The following DPP10 variants were observed in gnomAD, a reference collection of about 807,000 sequenced individuals.
DPP10 encodes dipeptidyl peptidase like 10.
DPP10 carries 33 observed loss-of-function variants against 120.9 expected under a neutral mutation model. That is an observed-to-expected ratio of 0.27 (90% CI 0.21 to 0.37). The LOEUF (loss-of-function observed/expected upper bound fraction) is 0.37. DPP10 is among the 10% of genes least tolerant of loss of function. The pLI is 1.00. For synonymous variants in DPP10, 337 were observed against 326.1 expected (o/e 1.03, Z -0.36); for missense variants, 816 against 942.8 (o/e 0.87, Z 1.76).
intron 1 of DPP10, among the ~76,000 whole-genome samples, chr2:115,167,647 A>G (rs1263084145): frequency 6.6e-6 from 1 of 150,882 alleles, no homozygotes; most frequent in Non-Finnish European, 1.5e-5. Context: ...TAAGCCGTGT[A>G]TAGCTGATCC....
At chr2:115,645,468 C>T (rs191930309) in intron 5 of DPP10, among the ~76,000 whole-genome samples, 13 of 152,264 alleles carry the variant, frequency 8.5e-5, no homozygotes, top group African/African-American at 2.9e-4. Flanking sequence ...TTTTACATCA[C>T]CTGCCTAGAA....
chr2:115,186,653 C>T (rs2105188545), intron 1 of DPP10, among the ~76,000 whole-genome samples: 1 of 152,294 alleles, frequency 6.6e-6, no homozygotes, highest in Middle Eastern at 3.4e-3. Flanking sequence ...TAACCCTCAA[C>T]TGTATAGTAT....
intron 7 of DPP10, among the ~76,000 whole-genome samples, chr2:115,721,105 T>C (rs942873833): frequency 6.6e-5 from 10 of 152,196 alleles, no homozygotes; most frequent in African/African-American, 2.4e-4. Flanking sequence ...AACATTGGCA[T>C]TGGAATTCAC....
chr2:115,001,094 C>T (rs532941224), intron 1 of DPP10, among the ~76,000 whole-genome samples: 1 of 152,294 alleles, frequency 6.6e-6, no homozygotes, highest in Admixed American at 6.5e-5. Flanking sequence ...GTAACACTCT[C>T]TATAGAGCTA....
At chr2:115,083,455 A>G (rs1308315275) in intron 1 of DPP10, among the ~76,000 whole-genome samples, 1 of 152,076 alleles carries the variant, frequency 6.6e-6, no homozygotes, top group Non-Finnish European at 1.5e-5. Context: ...ACATAGTATC[A>G]CAACTAGTCA....
At chr2:115,696,279 A>G (rs1178719213) in intron 7 of DPP10, among the ~76,000 whole-genome samples, 2 of 152,170 alleles carry the variant, frequency 1.3e-5, no homozygotes, top group Non-Finnish European at 2.9e-5. Flanking sequence ...GGATGAACTC[A>G]GAGACCCACA....
chr2:114,564,498 G>C (rs1689050642), intron 1 of DPP10, among the ~76,000 whole-genome samples: 1 of 152,114 alleles, frequency 6.6e-6, no homozygotes. Context: ...AGGTTATTTA[G>C]AAACTATATA....
intron 1 of DPP10, among the ~76,000 whole-genome samples, chr2:115,110,281 G>C (rs2049149895): frequency 6.6e-6 from 1 of 152,108 alleles, no homozygotes; most frequent in Admixed American, 6.6e-5. Context: ...GTACCACCAG[G>C]ATCAGTTTTA....
chr2:115,182,164 A>G (rs2054125003), intron 1 of DPP10, among the ~76,000 whole-genome samples: 1 of 152,226 alleles, frequency 6.6e-6, no homozygotes, highest in Non-Finnish European at 1.5e-5. Context: ...GGTATATTCC[A>G]AATAATCTTT....
At chr2:115,027,205 A>G (rs1008459306) in intron 1 of DPP10, among the ~76,000 whole-genome samples, 4 of 152,140 alleles carry the variant, frequency 2.6e-5, no homozygotes, top group Non-Finnish European at 5.9e-5. Context: ...GACTTTACTG[A>G]ATTTGTTTAT....
chr2:114,654,332 A>T (rs1333361530), intron 1 of DPP10, among the ~76,000 whole-genome samples: 2 of 152,188 alleles, frequency 1.3e-5, no homozygotes, highest in African/African-American at 2.4e-5. Context: ...GAAATACTTT[A>T]TGCTAAGTAT....
chr2:115,240,027 A>C (rs1301022478), intron 1 of DPP10, among the ~76,000 whole-genome samples: 3 of 152,132 alleles, frequency 2.0e-5, no homozygotes, highest in Non-Finnish European at 4.4e-5. Flanking sequence ...GTTGGTTCCA[A>C]GTCTTTGCTG....
intron 1 of DPP10, among the ~76,000 whole-genome samples, chr2:114,697,742 T>A: frequency 8.0e-6 from 1 of 125,450 alleles, no homozygotes; most frequent in African/African-American, 2.9e-5. Context: ...AGAGTGAGAC[T>A]CTGTCTCAAA....
intron 16 of DPP10, among the ~76,000 whole-genome samples, chr2:115,781,835 G>A (rs1017355225): frequency 6.6e-6 from 1 of 152,014 alleles, no homozygotes; most frequent in Non-Finnish European, 1.5e-5. Context: ...TAACAAATTA[G>A]CTAGTGTATT....
chr2:115,059,377 A>G (rs1315279099), intron 1 of DPP10, among the ~76,000 whole-genome samples: 1 of 139,370 alleles, frequency 7.2e-6, no homozygotes, highest in African/African-American at 2.7e-5. Flanking sequence ...TTGCCTATAT[A>G]ATATGCACTC....
At chr2:115,450,869 T>C (rs370654351) in intron 3 of DPP10, among the ~76,000 whole-genome samples, 1 of 152,070 alleles carries the variant, frequency 6.6e-6, no homozygotes, top group East Asian at 1.9e-4. Flanking sequence ...ATTTTATTTG[T>C]TATGATTCTC....
intron 5 of DPP10, among the ~76,000 whole-genome samples, chr2:115,533,333 T>C (rs894531706): frequency 6.6e-6 from 1 of 152,084 alleles, no homozygotes; most frequent in Non-Finnish European, 1.5e-5. Context: ...CTGGGCTACA[T>C]CTGCTATGTT....
chr2:115,412,941 G>A (rs552411242), intron 3 of DPP10, among the ~76,000 whole-genome samples: 1 of 152,148 alleles, frequency 6.6e-6, no homozygotes, highest in African/African-American at 2.4e-5. Flanking sequence ...TTATTGATTT[G>A]TTTATTTGTG....
chr2:115,388,147 G>A (rs1027077088), intron 3 of DPP10, among the ~76,000 whole-genome samples: 3 of 152,284 alleles, frequency 2.0e-5, no homozygotes, highest in East Asian at 1.9e-4. Flanking sequence ...TGTAAACCCC[G>A]TGAGGTGGGA....
Sources: gnomAD v4.1 joint callset for allele counts (sites outside exome capture counted in the v4.1 genomes callset) on GRCh38, gnomAD v4.1.1 for gene constraint, MANE v1.5 for transcripts, NCBI Gene and HGNC (gene_info 2026-07-23, HGNC 2026-07-21) for gene names.